The following NEBL variants were observed in gnomAD, a reference collection of about 807,000 sequenced individuals.
NEBL encodes the protein nebulette.
A neutral mutation model predicts 140.2 loss-of-function variants in NEBL; 122 were observed. The observed-to-expected ratio is 0.87, with a 90% confidence interval of 0.75 to 1.01. The LOEUF is 1.01. NEBL is among the 50% of genes least tolerant of loss of function. NEBL has a pLI of 0.00. For synonymous variants in NEBL, 436 were observed against 398.9 expected (o/e 1.09, Z -1.11); for missense variants, 1,365 against 1,231.3 (o/e 1.11, Z -1.62).
At position 21,261,875 on chromosome 10, in the gene NEBL, G is replaced by A. The variant is rs150435594; in HGVS notation, n.183-10047C>T. ...ACAGCCCTGCGTGTCCTGCTGAGACGTGCACACTCCCAGCTGTTGCCATGG... is the reference window on the plus strand; with the variant it reads ...ACAGCCCTGCGTGTCCTGCTGAGACATGCACACTCCCAGCTGTTGCCATGG... On this transcript the variant is annotated intron_variant and non_coding_transcript_variant, in intron 1 of 8. Coordinates refer to the NEBL transcript ENST00000675702. Among the ~76,000 whole-genome samples, 11 of 152,170 alleles carry A rather than the reference G, an allele frequency of 7.2e-5. No individual in the cohort carries two copies. In the East Asian group the frequency reaches 9.7e-4, roughly 13 times the overall value.
At chr10:20,985,804 A>G (rs954896845) in intron 3 of NEBL, among the ~76,000 whole-genome samples, 2 of 152,176 alleles carry the variant, frequency 1.3e-5, no homozygotes, top group Admixed American at 6.6e-5. Flanking sequence ...TATGTTTTTA[A>G]AAAAAACCAG....
chr10:21,067,180 C>A (rs1263849009), intron 2 of NEBL, among the ~76,000 whole-genome samples: 2 of 151,920 alleles, frequency 1.3e-5, no homozygotes, highest in Non-Finnish European at 2.9e-5. Context: ...ACCGTGTTAG[C>A]CAGGATGGTC....
chr10:21,182,198 A>C (rs1212100943), intron 3 of NEBL, among the ~76,000 whole-genome samples: 1 of 151,340 alleles, frequency 6.6e-6, no homozygotes, highest in Non-Finnish European at 1.5e-5. Flanking sequence ...AGGGTTGGGC[A>C]CGGTGGCTCA....
At chr10:21,117,226 A>G (rs1437689435) in intron 2 of NEBL, among the ~76,000 whole-genome samples, 1 of 150,904 alleles carries the variant, frequency 6.6e-6, no homozygotes, top group Non-Finnish European at 1.5e-5. Flanking sequence ...GGGCCTTTCT[A>G]CTCTGGGTGA....
At chr10:21,094,807 A>T (rs80245404) in intron 2 of NEBL, among the ~76,000 whole-genome samples, 2 of 152,186 alleles carry the variant, frequency 1.3e-5, no homozygotes, top group Non-Finnish European at 2.9e-5. Context: ...TAAGTCTCAC[A>T]TTGTAAAATT....
chr10:21,079,091 A>G (rs1016325198), intron 2 of NEBL, among the ~76,000 whole-genome samples: 6 of 152,150 alleles, frequency 3.9e-5, no homozygotes, highest in African/African-American at 1.2e-4. Flanking sequence ...TTTTCCTCCA[A>G]AGGAGATATC....
intron 7 of NEBL, among the ~76,000 whole-genome samples, chr10:20,861,079 T>A (rs1330336904): frequency 6.6e-6 from 1 of 152,240 alleles, no homozygotes; most frequent in African/African-American, 2.4e-5. Context: ...TTATTTTGTG[T>A]CTTGAAATCA....
rs116187316 is a variant in NEBL, at chr10:20,961,993, T to C, written c.250-214A>G. Reference sequence around the variant, plus strand: ...TTTGTGTGACTTTAAGCAAGTTCTTTAACCACTCTGTGCTCAGTGGTGTCA... The same window carrying C: ...TTTGTGTGACTTTAAGCAAGTTCTTCAACCACTCTGTGCTCAGTGGTGTCA... On this transcript the variant is annotated intron_variant, in intron 3 of 6. Transcript: ENST00000417816. 8.5e-3 allele frequency among the ~76,000 whole-genome samples: 1,287 copies of C among 152,278 alleles called. 18 individuals are homozygous for C. The highest frequency in any genetic ancestry group is 0.027 in the African/African-American group (1,132 of 41,574).
intron 20 of NEBL, 188 bp downstream of exon 20, chr10:20,819,236 G>A (rs1669378160): frequency 1.9e-6 from 2 of 1,031,644 alleles, no homozygotes; most frequent in Middle Eastern, 3.3e-4. Context: ...CCGTCCAACA[G>A]GCTCCGGTGT....
At chr10:21,115,756 T>A (rs1014306230) in intron 2 of NEBL, among the ~76,000 whole-genome samples, 1 of 152,082 alleles carries the variant, frequency 6.6e-6, no homozygotes, top group East Asian at 1.9e-4. Context: ...TTCAGCAAAT[T>A]TGGATATTTT....
chr10:20,998,221 G>C (rs894650025), intron 3 of NEBL, among the ~76,000 whole-genome samples: 2 of 152,128 alleles, frequency 1.3e-5, no homozygotes, highest in African/African-American at 2.4e-5. Flanking sequence ...AAAGTCCTGA[G>C]GCCAAATATT....
At chr10:20,919,225 A>T (rs1198708574) in intron 4 of NEBL, among the ~76,000 whole-genome samples, 1 of 152,222 alleles carries the variant, frequency 6.6e-6, no homozygotes, top group Non-Finnish European at 1.5e-5. Context: ...AGAAAATTAT[A>T]TACTTTTTAG....
At chr10:20,846,834 C>T (rs1277871631) in intron 11 of NEBL, among the ~76,000 whole-genome samples, 1 of 150,608 alleles carries the variant, frequency 6.6e-6, no homozygotes, top group African/African-American at 2.4e-5. Context: ...TAGAAGTAGC[C>T]AAAATATATA....
At chr10:20,860,168 T>A (rs1843531798) in intron 7 of NEBL, among the ~76,000 whole-genome samples, 1 of 152,094 alleles carries the variant, frequency 6.6e-6, no homozygotes, top group Non-Finnish European at 1.5e-5. Context: ...TCTTAAGGTC[T>A]AACACATTTA....
intron 3 of NEBL, among the ~76,000 whole-genome samples, chr10:20,991,745 AC>A (rs1465422006): frequency 6.6e-5 from 10 of 151,304 alleles, no homozygotes; most frequent in Non-Finnish European, 7.4e-5. Flanking sequence ...TACTTTGTCA[AC>A]CTTTGCTCCC....
chr10:20,812,708 A>G (rs1363644658), intron 24 of NEBL, 61 bp downstream of exon 24: 2 of 1,595,498 alleles, frequency 1.3e-6, no homozygotes, highest in South Asian at 1.1e-5. Context: ...GTAATTCTGA[A>G]GCTAGAGCAA....
Position 21,173,914 on chromosome 10 carries a change from C to A in NEBL, c.-81G>T. 6.5e-7 allele frequency: 1 copy of A among 1,548,282 alleles called. No individual in the cohort carries two copies. The highest frequency in any genetic ancestry group is 8.7e-7 in the Non-Finnish European group (1 of 1,154,362). ...GTGACATCCCCCGGCGAGCCCCGCA[C>A]CGCCTCCTGGCAGGCGGGAGGGCTG... is the stretch of plus-strand genomic sequence containing the variant. On this transcript the variant is annotated 5_prime_UTR_variant, in exon 1 of 7. Transcript: ENST00000417816. This position sits in a 1 kb window ranked among gnomAD's most constrained non-coding sequence, Gnocchi z 5.7.
At chr10:21,050,728 C>G (rs1019953148) in intron 2 of NEBL, among the ~76,000 whole-genome samples, 3 of 152,034 alleles carry the variant, frequency 2.0e-5, no homozygotes, top group African/African-American at 4.8e-5. Flanking sequence ...GGTGGGAGAA[C>G]AATAGTAGAA....
chr10:20,878,367 T>C (rs1845703676), intron 5 of NEBL, among the ~76,000 whole-genome samples: 1 of 152,240 alleles, frequency 6.6e-6, no homozygotes, highest in South Asian at 2.1e-4. Context: ...CACACTTTTA[T>C]TTTAAATTAA....
Sources: allele counts gnomAD v4.1 joint callset (sites outside exome capture counted in the v4.1 genomes callset), GRCh38; gene constraint gnomAD v4.1.1; non-coding constraint Gnocchi (gnomAD v3.1); transcripts MANE v1.5; gene names NCBI Gene and HGNC (gene_info 2026-07-23, HGNC 2026-07-21).